FRMD6: variants seen among roughly 807,000 people sequenced by gnomAD.
FRMD6 encodes FERM domain containing 6.
In FRMD6, 37 loss-of-function variants were observed where a neutral mutation model predicts 73.2. The ratio of observed to expected loss-of-function variants is 0.51; its 90% CI spans 0.39 to 0.66. FRMD6 has a LOEUF of 0.66. FRMD6 is among the 30% of genes least tolerant of loss of function. FRMD6 has a pLI of 0.00. For synonymous variants in FRMD6, 273 were observed against 282.2 expected, an observed-to-expected ratio of 0.97 and a Z score of 0.33; for missense variants, 714 against 780.5, an observed-to-expected ratio of 0.91 and a Z score of 1.02.
At chr14:51,682,330 T>C (rs1369809370) in intron 1 of FRMD6, among the ~76,000 whole-genome samples, 10 of 152,068 alleles carry the variant, frequency 6.6e-5, no homozygotes, top group Admixed American at 5.9e-4. Context: ...TTTTTTTGGA[T>C]TGGAGAGAAA....
intron 10 of FRMD6, among the ~76,000 whole-genome samples, chr14:51,718,666 GTGA>G (rs1897366738): frequency 6.6e-6 from 1 of 152,314 alleles, no homozygotes; most frequent in South Asian, 2.1e-4. Context: ...CATTTTTGTT[GTGA>G]TGATATGTGC....
intron 6 of FRMD6, among the ~76,000 whole-genome samples, chr14:51,707,566 G>T (rs915660989): frequency 6.6e-6 from 1 of 152,116 alleles, no homozygotes; most frequent in African/African-American, 2.4e-5. Flanking sequence ...GTTCATATCA[G>T]CCTCTTATGC....
the FRMD6 span, among the ~76,000 whole-genome samples, chr14:51,399,960 C>T: frequency 7.0e-6 from 1 of 143,188 alleles, no homozygotes; most frequent in East Asian, 2.0e-4. Context: ...AGCAAATATT[C>T]CTTTTTTAAA....
At chr14:51,431,753 G>A in the FRMD6 span, among the ~76,000 whole-genome samples, 1 of 152,264 alleles carries the variant, frequency 6.6e-6, no homozygotes, top group Non-Finnish European at 1.5e-5. Context: ...GAGCAGTTTA[G>A]GGTAAAGGGG....
intron 1 of FRMD6, among the ~76,000 whole-genome samples, chr14:51,560,766 G>T (rs940931109): frequency 6.6e-6 from 1 of 152,168 alleles, no homozygotes; most frequent in Non-Finnish European, 1.5e-5. Context: ...TTACAGGCGT[G>T]AGTCACCGCA....
chr14:51,695,876 T>A (rs1362448584), intron 2 of FRMD6, among the ~76,000 whole-genome samples: 3 of 152,190 alleles, frequency 2.0e-5, no homozygotes, highest in Non-Finnish European at 4.4e-5. Flanking sequence ...GTCGGAATTA[T>A]CACCAGTTCT....
At chr14:51,628,948 C>T (rs571352490) in intron 2 of FRMD6, among the ~76,000 whole-genome samples, 1 of 137,298 alleles carries the variant, frequency 7.3e-6, no homozygotes, top group African/African-American at 2.7e-5. Context: ...GCAATCTCGG[C>T]TCACTGCAAG....
chr14:51,398,087 G>A, the FRMD6 span, among the ~76,000 whole-genome samples: 2 of 152,114 alleles, frequency 1.3e-5, no homozygotes, highest in Non-Finnish European at 2.9e-5. Context: ...AAATGTCTTA[G>A]GAGAAAGTTG....
At chr14:51,600,943 C>T (rs1479407870) in intron 2 of FRMD6, among the ~76,000 whole-genome samples, 1 of 152,122 alleles carries the variant, frequency 6.6e-6, no homozygotes, top group Non-Finnish European at 1.5e-5. Context: ...ATTTTAATAT[C>T]CTATTAGCAC....
chr14:51,639,121 T>C (rs1432881110), intron 2 of FRMD6, among the ~76,000 whole-genome samples: 5 of 152,206 alleles, frequency 3.3e-5, no homozygotes, highest in Admixed American at 2.6e-4. Context: ...TTTTCCTTTG[T>C]TTTTTAAAAA....
the FRMD6 span, among the ~76,000 whole-genome samples, chr14:51,474,517 G>C: frequency 1.3e-5 from 2 of 152,160 alleles, no homozygotes; most frequent in Non-Finnish European, 2.9e-5. Flanking sequence ...GGGCACAGTG[G>C]TCTTGAATTT....
chr14:51,442,427 T>G, the FRMD6 span, among the ~76,000 whole-genome samples: 4 of 152,206 alleles, frequency 2.6e-5, no homozygotes, highest in Non-Finnish European at 4.4e-5. Context: ...ATAATTTTAG[T>G]AATTGCCCAG....
At chr14:51,449,429 G>A in the FRMD6 span, among the ~76,000 whole-genome samples, 1 of 152,138 alleles carries the variant, frequency 6.6e-6, no homozygotes, top group African/African-American at 2.4e-5. Context: ...CACAGCTTAT[G>A]GGATTATCAG....
chr14:51,645,891 C>T (rs575569300), intron 2 of FRMD6, among the ~76,000 whole-genome samples: 1 of 152,304 alleles, frequency 6.6e-6, no homozygotes, highest in South Asian at 2.1e-4. Flanking sequence ...ATGCTCTTTG[C>T]CAGTGGAACT....
chr14:51,444,526 G>A, the FRMD6 span, among the ~76,000 whole-genome samples: 1 of 152,168 alleles, frequency 6.6e-6, no homozygotes, highest in Non-Finnish European at 1.5e-5. Context: ...GTGTTCAGTC[G>A]TTTAGTAAAA....
At chr14:51,553,021 T>C (rs1489959618) in intron 1 of FRMD6, among the ~76,000 whole-genome samples, 2 of 152,206 alleles carry the variant, frequency 1.3e-5, no homozygotes, top group Non-Finnish European at 2.9e-5. Flanking sequence ...AGACTGCCAA[T>C]ACCTGTGACC....
intron 2 of FRMD6, among the ~76,000 whole-genome samples, chr14:51,690,444 G>A (rs1566567964): frequency 6.6e-6 from 1 of 152,074 alleles, no homozygotes. Flanking sequence ...GGAGTGTAGT[G>A]GCATGATCTC....
chr14:51,523,118 T>A (rs1885039245), intron 1 of FRMD6, among the ~76,000 whole-genome samples: 1 of 152,188 alleles, frequency 6.6e-6, no homozygotes, highest in Admixed American at 6.5e-5. Flanking sequence ...GGTGTACAAA[T>A]TCATAATCAG....
intron 1 of FRMD6, among the ~76,000 whole-genome samples, chr14:51,489,823 G>A (rs866933260): frequency 9.2e-5 from 14 of 152,218 alleles, no homozygotes; most frequent in Non-Finnish European, 1.8e-4. Flanking sequence ...CTGACCAGAA[G>A]ACCGGTCCCT....
Sources: gnomAD v4.1 joint callset for allele counts (sites outside exome capture counted in the v4.1 genomes callset) on GRCh38, gnomAD v4.1.1 for gene constraint, MANE v1.5 for transcripts, NCBI Gene and HGNC (gene_info 2026-07-23, HGNC 2026-07-21) for gene names.